Variants in DCBLD2 observed in about 807,000 individuals in gnomAD.
DCBLD2 encodes the protein discoidin, CUB and LCCL domain containing 2, also known as discoidin, CUB and LCCL domain-containing protein 2.
In DCBLD2, 54 loss-of-function variants were observed where a neutral mutation model predicts 86.8. The observed-to-expected ratio is 0.62, with a 90% CI of 0.50 to 0.78. DCBLD2 has a LOEUF of 0.78. Ranked by LOEUF, DCBLD2 falls within the 30% of genes least tolerant of loss-of-function variation. The pLI, the probability that DCBLD2 is intolerant of heterozygous loss-of-function variation, is 0.00. For missense variants in DCBLD2, 908 were observed against 954.2 expected, an observed-to-expected ratio of 0.95 and a Z score of 0.64; for synonymous variants, 354 against 341.3, an observed-to-expected ratio of 1.04 and a Z score of -0.41.
In DCBLD2 at chr3:98,881,556, G is replaced by T. The variant is rs370431447; in HGVS notation, c.417C>A (p.Val139=). ...AAGTCCTACCTATTTCAGTTCTGCT[G>T]ACTCCAATTCCATTATAAATTCTCA... ...NYLRIYNGIG[V]SRTEIGKYCG... The change falls in exon 2 of 16, where the codon GTC becomes GTA. Residue 139 remains valine, a synonymous_variant. Transcript: ENST00000326840. The T allele has an allele frequency of 1.2e-6, 2 of 1,613,646 alleles. No homozygotes were observed. The highest frequency in any genetic ancestry group is 1.3e-5 in the African/African-American group (1 of 75,002).
rs1352953152 is a variant in DCBLD2, at chr3:98,796,602, T to C, written c.*2770A>G. On this transcript the variant is annotated 3_prime_UTR_variant, in exon 16 of 16. Coordinates refer to ENST00000326840, the MANE Select transcript of DCBLD2 (RefSeq NM_080927.4). Reference sequence around the variant, plus strand: ...GTTGTCATACTTACTGCATTAATTCTTCACTCGAACCGTTTACATCAGCGA... The same window carrying C: ...GTTGTCATACTTACTGCATTAATTCCTCACTCGAACCGTTTACATCAGCGA... The C allele has an allele frequency of 2.6e-5, 4 of 152,682 alleles. No individual in the cohort carries two copies. The highest frequency in any genetic ancestry group is 4.8e-5 in the African/African-American group (2 of 41,472). 9.5% of individuals were successfully genotyped at this position (152,682 alleles called of 1,614,324 possible). A position where few individuals can be genotyped will look rare whatever the true frequency, so the allele number is the denominator to read the frequency against.
chr3:98,827,321 T>C (rs1942241313), intron 3 of DCBLD2, among the ~76,000 whole-genome samples: 1 of 152,198 alleles, frequency 6.6e-6, no homozygotes, highest in African/African-American at 2.4e-5. Flanking sequence ...AATTTCCGAC[T>C]TCTAAGATTA....
At chr3:98,858,521 A>T (rs1942979706) in intron 2 of DCBLD2, among the ~76,000 whole-genome samples, 1 of 152,258 alleles carries the variant, frequency 6.6e-6, no homozygotes, top group Admixed American at 6.5e-5. Flanking sequence ...AAAGCAATGG[A>T]ACAAATATTA....
At chr3:98,819,847 T>C (rs1942087259) in intron 7 of DCBLD2, among the ~76,000 whole-genome samples, 1 of 152,206 alleles carries the variant, frequency 6.6e-6, no homozygotes, top group Non-Finnish European at 1.5e-5. Context: ...TAAACAGAAA[T>C]TTATTCATTG....
At chr3:98,822,008 T>A (rs1576163527) in intron 6 of DCBLD2, 1 of 596,670 alleles carries the variant, frequency 1.7e-6, no homozygotes, top group African/African-American at 1.8e-5. Context: ...ATCACGCCAC[T>A]GCACTCCAGC....
intron 3 of DCBLD2, among the ~76,000 whole-genome samples, chr3:98,839,805 T>C (rs1219819731): frequency 6.6e-6 from 1 of 152,168 alleles, no homozygotes; most frequent in African/African-American, 2.4e-5. Context: ...TATTGTACTT[T>C]AGAAAAATAA....
chr3:98,892,784 G>A (rs1376447961), intron 1 of DCBLD2, among the ~76,000 whole-genome samples: 1 of 152,090 alleles, frequency 6.6e-6, no homozygotes, highest in Non-Finnish European at 1.5e-5. Flanking sequence ...GCATGCAAAA[G>A]AATGTCCACC....
intron 1 of DCBLD2, among the ~76,000 whole-genome samples, chr3:98,885,518 G>A (rs1486836408): frequency 2.6e-5 from 4 of 151,740 alleles, no homozygotes; most frequent in Admixed American, 1.3e-4. Flanking sequence ...ACCCCCTAAT[G>A]TGTCCCCAAC....
At chr3:98,818,104 T>A (rs1942056493) in intron 8 of DCBLD2, among the ~76,000 whole-genome samples, 1 of 152,212 alleles carries the variant, frequency 6.6e-6, no homozygotes, top group African/African-American at 2.4e-5. Flanking sequence ...TGGGCATTAA[T>A]TAAGTAAAGA....
At chr3:98,852,610 AT>A (rs1942860279) in intron 2 of DCBLD2, among the ~76,000 whole-genome samples, 2 of 152,170 alleles carry the variant, frequency 1.3e-5, no homozygotes, top group South Asian at 4.1e-4. Flanking sequence ...TATGTTACAT[AT>A]ATGGCAAAAC....
chr3:98,893,895 G>A (rs995039824), intron 1 of DCBLD2, among the ~76,000 whole-genome samples: 1 of 152,218 alleles, frequency 6.6e-6, no homozygotes, highest in Non-Finnish European at 1.5e-5. Flanking sequence ...TACAAAGTGA[G>A]ATAGTCTGCT....
chr3:98,856,649 A>G (rs1942935407), intron 2 of DCBLD2, among the ~76,000 whole-genome samples: 1 of 152,174 alleles, frequency 6.6e-6, no homozygotes, highest in Non-Finnish European at 1.5e-5. Context: ...ATATGATAAA[A>G]CATCTTGAAG....
chr3:98,815,738 T>TA (rs1262394004), intron 9 of DCBLD2: 1 of 151,820 alleles, frequency 6.6e-6, no homozygotes, highest in Non-Finnish European at 1.5e-5. Flanking sequence ...CATCTAGAGA[T>TA]AAAAAATACA....
intron 2 of DCBLD2, among the ~76,000 whole-genome samples, chr3:98,875,585 G>T (rs1461607246): frequency 2.0e-5 from 3 of 152,090 alleles, no homozygotes; most frequent in Non-Finnish European, 4.4e-5. Flanking sequence ...CAGGAAGGAA[G>T]ACCCAGGAAA....
At chr3:98,831,562 G>A (rs917011607) in intron 3 of DCBLD2, among the ~76,000 whole-genome samples, 10 of 152,050 alleles carry the variant, frequency 6.6e-5, no homozygotes, top group Admixed American at 4.6e-4. Flanking sequence ...GTTAATTTGA[G>A]ATCTAACTTT....
chr3:98,868,322 T>C (rs1026388663), intron 2 of DCBLD2, among the ~76,000 whole-genome samples: 7 of 152,178 alleles, frequency 4.6e-5, no homozygotes, highest in Admixed American at 6.5e-5. Context: ...TATTTAATTA[T>C]AGATCTAGAA....
Position 98,881,553 on chromosome 3 carries a change from G to A in DCBLD2, c.420C>T (p.Ser140=), listed in dbSNP as rs779664429. The A allele has an allele frequency of 6.2e-7, 1 of 1,613,564 alleles. No homozygotes were observed. Among genetic ancestry groups the A allele is most frequent in the Non-Finnish European group, 8.5e-7 (1 of 1,179,756 alleles). The change falls in exon 2 of 16, where the codon AGC becomes AGT. Residue 140 remains serine, a synonymous_variant. Coordinates refer to ENST00000326840, the MANE Select transcript of DCBLD2 (RefSeq NM_080927.4). ...YLRIYNGIGV[S]RTEIGKYCGL... is the part of the protein sequence containing the mutation. ...AAAAAGTCCTACCTATTTCAGTTCT[G>A]CTGACTCCAATTCCATTATAAATTC... is the stretch of plus-strand genomic sequence containing the variant.
intron 1 of DCBLD2, among the ~76,000 whole-genome samples, chr3:98,888,689 CTGGCGAAAGTTAAGAGAACAA>C (rs1481227955): frequency 6.6e-6 from 1 of 152,026 alleles, no homozygotes; most frequent in African/African-American, 2.4e-5. Flanking sequence ...TGGCTACAAT[CTGGCGAAAGTTAAGAGAACAA>C]TGGCACATTA....
intron 3 of DCBLD2, among the ~76,000 whole-genome samples, chr3:98,846,561 G>A (rs1942727629): frequency 6.6e-6 from 1 of 152,184 alleles, no homozygotes; most frequent in Admixed American, 6.5e-5. Flanking sequence ...ATGCTTGATG[G>A]ATGGGATAAA....
Sources: gnomAD v4.1 joint callset for allele counts (sites outside exome capture counted in the v4.1 genomes callset) on GRCh38, gnomAD v4.1.1 for gene constraint, MANE v1.5 for transcripts, NCBI Gene and HGNC (gene_info 2026-07-23, HGNC 2026-07-21) for gene names.